The following BACH2 variants were observed in gnomAD, a reference collection of about 807,000 sequenced individuals.
BACH2 encodes the protein BACH transcriptional regulator 2.
In BACH2, 5 loss-of-function variants were observed where a neutral mutation model predicts 61.8. The observed-to-expected ratio is 0.08, with a 90% CI of 0.04 to 0.17. BACH2 has a LOEUF of 0.17. Ranked by LOEUF, BACH2 falls within the 10% of genes least tolerant of loss-of-function variation. BACH2 has a pLI of 1.00. For missense variants in BACH2, 824 were observed against 1,091.1 expected, an observed-to-expected ratio of 0.76 and a Z score of 3.45; for synonymous variants, 446 against 440.1, an observed-to-expected ratio of 1.01 and a Z score of -0.17.
chr6:90,030,324 G>A (rs1197424972), intron 5 of BACH2, among the ~76,000 whole-genome samples: 1 of 152,158 alleles, frequency 6.6e-6, no homozygotes, highest in Non-Finnish European at 1.5e-5. Context: ...GGCCTCTGCT[G>A]CCCTGGGAGT....
chr6:90,247,389 C>T (rs1231335626), intron 3 of BACH2, among the ~76,000 whole-genome samples: 1 of 150,554 alleles, frequency 6.6e-6, no homozygotes, highest in Non-Finnish European at 1.5e-5. Flanking sequence ...GCATGCACCA[C>T]CATGTACAGT....
chr6:90,113,249 A>G (rs1324187522), intron 4 of BACH2, among the ~76,000 whole-genome samples: 2 of 152,116 alleles, frequency 1.3e-5, no homozygotes, highest in African/African-American at 4.8e-5. Flanking sequence ...ACTGGACCAA[A>G]CAGATCTGAT....
rs1444966919 is a variant in BACH2 at position 90,296,469 on chromosome 6, C to CCGGGACT, written c.-446+4_-446+10dup. ...AGCGGCGGGGCCCGGGGCCCGGGGC[C>CCGGGACT]CGGGACTCACCTCGCCGGAGAACTT... On this transcript the variant is annotated intron_variant, in intron 1 of 8. Coordinates refer to ENST00000257749, the MANE Select transcript of BACH2 (RefSeq NM_021813.4). 3.3e-5 allele frequency: 5 copies of CCGGGACT among 150,982 alleles called. No homozygotes were observed. Among genetic ancestry groups the CCGGGACT allele is most frequent in the Non-Finnish European group, 5.9e-5 (4 of 67,572 alleles). 9.4% of individuals were successfully genotyped at this position (150,982 alleles called of 1,614,324 possible).
At chr6:90,043,107 CT>C (rs1199886925) in intron 5 of BACH2, among the ~76,000 whole-genome samples, 1 of 152,148 alleles carries the variant, frequency 6.6e-6, no homozygotes, top group African/African-American at 2.4e-5. Flanking sequence ...GTGTCATTTA[CT>C]GTAAGGGAAA....
chr6:90,045,493 T>C (rs1779734649), intron 5 of BACH2, among the ~76,000 whole-genome samples: 1 of 152,222 alleles, frequency 6.6e-6, no homozygotes, highest in Non-Finnish European at 1.5e-5. Context: ...TCTGTAACAC[T>C]GTACGTGCAA....
intron 6 of BACH2, among the ~76,000 whole-genome samples, chr6:89,959,146 C>G (rs1456336160): frequency 2.2e-5 from 3 of 137,064 alleles, no homozygotes; most frequent in African/African-American, 5.5e-5. Context: ...CACACACACA[C>G]AGTTACCTAT....
intron 3 of BACH2, among the ~76,000 whole-genome samples, chr6:90,247,172 C>T (rs1770662955): frequency 6.6e-6 from 1 of 152,036 alleles, no homozygotes; most frequent in African/African-American, 2.4e-5. Flanking sequence ...TTTATATTCT[C>T]ATTTGGAGAG....
chr6:90,125,141 C>A (rs1350010048), intron 4 of BACH2, among the ~76,000 whole-genome samples: 1 of 151,192 alleles, frequency 6.6e-6, no homozygotes, highest in Non-Finnish European at 1.5e-5. Context: ...GGTTTAGTCA[C>A]AATGAAAAGA....
chr6:90,026,966 G>A (rs1218525189), intron 5 of BACH2, among the ~76,000 whole-genome samples: 2 of 152,154 alleles, frequency 1.3e-5, no homozygotes, highest in Non-Finnish European at 2.9e-5. Flanking sequence ...AGCATCTAAT[G>A]GGGTGAAAGT....
rs368297011 is a variant in BACH2 at position 89,951,259 on chromosome 6, C to T, written c.847G>A (p.Glu283Lys). 36 of 1,614,194 alleles carry T rather than the reference C, an allele frequency of 2.2e-5. No individual in the cohort carries two copies. Among genetic ancestry groups the T allele is most frequent in the Non-Finnish European group, 2.7e-5 (32 of 1,180,034 alleles). The change falls in exon 7 of 9, where the codon GAG becomes AAG. Residue 283 changes from glutamate to lysine, a missense_variant. By Grantham distance (56) the Glu-to-Lys change is moderately conservative. Transcript: ENST00000257749. This position sits in a 1 kb window ranked among gnomAD's most constrained non-coding sequence, Gnocchi z 6.4. Reference sequence around the variant, plus strand: ...AGCGTGATGCTCTCTTCCTCATTCTCTTCACTGGGCGGCTCACTTTTAATC... The same window carrying T: ...AGCGTGATGCTCTCTTCCTCATTCTTTTCACTGGGCGGCTCACTTTTAATC... ...GQIKSEPPSE[E>K]NEEESITLCL...
intron 6 of BACH2, among the ~76,000 whole-genome samples, chr6:89,966,089 T>C (rs575079609): frequency 6.6e-6 from 1 of 152,336 alleles, no homozygotes; most frequent in South Asian, 2.1e-4. Context: ...GGTGTTACTG[T>C]GGCTTACAGA....
At position 90,008,952 on chromosome 6, in the gene BACH2, T is replaced by C; in HGVS notation, c.-12-96A>G. The C allele has an allele frequency of 2.1e-6, 3 of 1,438,920 alleles. No homozygotes were observed. Among genetic ancestry groups the C allele is most frequent in the Middle Eastern group, 2.5e-4 (1 of 3,994 alleles). 89.1% of individuals were successfully genotyped at this position (1,438,920 alleles called of 1,614,324 possible). ...AGGAGGTGAGAAAGAACATCATGGT[T>C]CCTGTGTCCCACTGCCATGAGCATG... On this transcript the variant is annotated intron_variant, in intron 5 of 8. Coordinates refer to ENST00000257749, the MANE Select transcript of BACH2 (RefSeq NM_021813.4). The surrounding 1 kb of genome is among the most constrained non-coding windows in gnomAD (Gnocchi z 4.1).
At chr6:90,009,156 CACAT>C in intron 5 of BACH2, among the ~76,000 whole-genome samples, 1 of 113,396 alleles carries the variant, frequency 8.8e-6, no homozygotes, top group African/African-American at 2.6e-5. Flanking sequence ...ACATTTAAAA[CACAT>C]TGGTATTTTA....
chr6:90,113,279 C>T (rs1783254787), intron 4 of BACH2, among the ~76,000 whole-genome samples: 1 of 152,144 alleles, frequency 6.6e-6, no homozygotes, highest in Non-Finnish European at 1.5e-5. Flanking sequence ...CAAACATCTC[C>T]ACCCCGAAAC....
intron 6 of BACH2, among the ~76,000 whole-genome samples, chr6:89,962,179 A>ATATC (rs57643267): frequency 0.071 from 10,801 of 152,208 alleles, 427 homozygotes; most frequent in East Asian, 0.17. Flanking sequence ...TATCATAATC[A>ATATC]TATTATTCCC....
chr6:89,980,750 T>C (rs1034997622), intron 6 of BACH2, among the ~76,000 whole-genome samples: 4 of 152,254 alleles, frequency 2.6e-5, no homozygotes, highest in Middle Eastern at 3.2e-3. Flanking sequence ...CTGAAGTCCA[T>C]ACACTTCTTA....
intron 5 of BACH2, among the ~76,000 whole-genome samples, chr6:90,014,087 T>C (rs1053022282): frequency 6.6e-6 from 1 of 152,108 alleles, no homozygotes; most frequent in Non-Finnish European, 1.5e-5. Flanking sequence ...CCCAGCCCTG[T>C]GTTTGCCTTC....
chr6:90,031,760 A>G (rs111418947), intron 5 of BACH2, among the ~76,000 whole-genome samples: 3 of 152,208 alleles, frequency 2.0e-5, no homozygotes, highest in Non-Finnish European at 4.4e-5. Flanking sequence ...AATCAATATC[A>G]TGAAAATGGC....
chr6:90,055,254 TAATC>T (rs1364429573), intron 5 of BACH2, among the ~76,000 whole-genome samples: 1 of 151,970 alleles, frequency 6.6e-6, no homozygotes, highest in Non-Finnish European at 1.5e-5. Context: ...ATAACTAGAA[TAATC>T]AATGCAGAGA....
Sources: allele counts gnomAD v4.1 joint callset (sites outside exome capture counted in the v4.1 genomes callset), GRCh38; gene constraint gnomAD v4.1.1; non-coding constraint Gnocchi (gnomAD v3.1); transcripts MANE v1.5; gene names NCBI Gene and HGNC (gene_info 2026-07-23, HGNC 2026-07-21).